The following GRM5 variants were observed in gnomAD, a reference collection of about 807,000 sequenced individuals.
The protein encoded by GRM5 is metabotropic glutamate receptor 5.
GRM5 carries 19 observed loss-of-function variants against 83.1 expected under a neutral mutation model. That is an observed-to-expected ratio of 0.23 (90% CI 0.16 to 0.34). GRM5 has a LOEUF of 0.34. GRM5 is among the 10% of genes least tolerant of loss of function. GRM5 has a pLI of 1.00. For missense variants in GRM5, 1,160 were observed against 1,588.3 expected (o/e 0.73, Z 4.58); for synonymous variants, 675 against 633.6 (o/e 1.07, Z -0.98).
intron 3 of GRM5, among the ~76,000 whole-genome samples, chr11:88,765,952 C>G (rs1166811273): frequency 1.3e-5 from 2 of 151,604 alleles, no homozygotes; most frequent in African/African-American, 4.8e-5. Flanking sequence ...ATATAAGGGA[C>G]TTATATCCAG....
chr11:88,905,052 C>T (rs899836757), intron 2 of GRM5, among the ~76,000 whole-genome samples: 7 of 152,128 alleles, frequency 4.6e-5, no homozygotes, highest in Non-Finnish European at 1.0e-4. Context: ...ATGTGTCATA[C>T]ATCTTCATCC....
chr11:88,625,808 C>CA (rs1005920079), intron 4 of GRM5, among the ~76,000 whole-genome samples: 28 of 152,112 alleles, frequency 1.8e-4, no homozygotes, highest in African/African-American at 5.8e-4. Context: ...ATAAAAGCAA[C>CA]AAAAAAATCA....
intron 2 of GRM5, among the ~76,000 whole-genome samples, chr11:89,004,124 T>C (rs1222129517): frequency 6.6e-6 from 1 of 152,086 alleles, no homozygotes; most frequent in Admixed American, 6.6e-5. Context: ...ATAAATCAAA[T>C]AGCAGAGGTC....
intron 3 of GRM5, among the ~76,000 whole-genome samples, chr11:88,809,344 A>T (rs1429251573): frequency 6.6e-6 from 1 of 151,998 alleles, no homozygotes; most frequent in East Asian, 1.9e-4. Flanking sequence ...AGTTTATTCA[A>T]GTTTAAGCTC....
rs186299814 is a variant in GRM5, at chr11:88,824,506, G to C, written c.911+25400C>G. Among the ~76,000 whole-genome samples the C allele has an allele frequency of 2.0e-5, 3 of 152,278 alleles. No homozygotes were observed. In the East Asian group the frequency reaches 5.8e-4, roughly 29 times the overall value. On this transcript the variant is annotated intron_variant, in intron 3 of 9. Transcript: ENST00000305447. ...TTTCATGGAAGACAATTTTTCCACA[G>C]GACAGTGGGGCGGGGCAGGGGGGTG...
At chr11:88,520,535 C>T (rs1027845478) in intron 9 of GRM5, among the ~76,000 whole-genome samples, 1 of 152,166 alleles carries the variant, frequency 6.6e-6, no homozygotes, top group Non-Finnish European at 1.5e-5. Flanking sequence ...GGCATAAACT[C>T]CCCTGTGTTA....
At chr11:88,941,953 A>G (rs545662900) in intron 2 of GRM5, among the ~76,000 whole-genome samples, 4 of 152,088 alleles carry the variant, frequency 2.6e-5, no homozygotes, top group Non-Finnish European at 5.9e-5. Flanking sequence ...ATGTTACACA[A>G]AAAAATTCAC....
At chr11:88,781,544 G>T (rs935463540) in intron 3 of GRM5, among the ~76,000 whole-genome samples, 1 of 152,124 alleles carries the variant, frequency 6.6e-6, no homozygotes, top group Non-Finnish European at 1.5e-5. Context: ...GAATTTCCAG[G>T]CAGGCTGATT....
At chr11:88,664,927 G>A (rs1940002269) in intron 3 of GRM5, among the ~76,000 whole-genome samples, 2 of 152,118 alleles carry the variant, frequency 1.3e-5, no homozygotes, top group Non-Finnish European at 2.9e-5. Context: ...ACTAAGGAAA[G>A]ACTATATGTA....
Position 88,858,226 on chromosome 11 carries a change from C to T in GRM5, c.662-8071G>A, listed in dbSNP as rs542834584. Among the ~76,000 whole-genome samples, 15 of 151,702 alleles carry T rather than the reference C, an allele frequency of 9.9e-5. No homozygotes were observed. In the East Asian group the frequency reaches 1.2e-3, roughly 12 times the overall value. On this transcript the variant is annotated intron_variant, in intron 2 of 9. Coordinates refer to ENST00000305447, the MANE Select transcript of GRM5 (RefSeq NM_001143831.3). ...TTATTACTCTAGGAATGGATTATGT[C>T]GTAACATTTGATGAACTCTTCAACA... is the stretch of plus-strand genomic sequence containing the variant.
chr11:89,029,594 C>T (rs908233579), intron 2 of GRM5, among the ~76,000 whole-genome samples: 5 of 152,110 alleles, frequency 3.3e-5, no homozygotes, highest in East Asian at 1.9e-4. Context: ...AAAATTTAAG[C>T]GTTGAGTTTA....
intron 3 of GRM5, among the ~76,000 whole-genome samples, chr11:88,737,124 T>G (rs1486141953): frequency 1.3e-5 from 2 of 152,086 alleles, no homozygotes; most frequent in Non-Finnish European, 2.9e-5. Context: ...ACCTGCAACT[T>G]AAAGCTCACA....
chr11:88,557,751 C>CTT (rs566146634), intron 8 of GRM5, among the ~76,000 whole-genome samples: 30 of 136,594 alleles, frequency 2.2e-4, no homozygotes, highest in East Asian at 1.5e-3. Context: ...CTTAATCATC[C>CTT]TTTTTTTTTT....
intron 3 of GRM5, among the ~76,000 whole-genome samples, chr11:88,756,672 T>G (rs1499179): frequency 0.025 from 3,798 of 152,162 alleles, 160 homozygotes; most frequent in African/African-American, 0.087. Context: ...AACTATAAAT[T>G]ATACATTGTA....
At chr11:88,643,156 C>A (rs1047276467) in intron 4 of GRM5, among the ~76,000 whole-genome samples, 4 of 152,092 alleles carry the variant, frequency 2.6e-5, no homozygotes, top group African/African-American at 9.7e-5. Context: ...CTGGCACCTG[C>A]TGCTGGGGAG....
chr11:89,035,596 T>C (rs1437982404), intron 2 of GRM5, among the ~76,000 whole-genome samples: 1 of 151,980 alleles, frequency 6.6e-6, no homozygotes. Context: ...TCTATTTTTA[T>C]TCTATCTACT....
intron 4 of GRM5, among the ~76,000 whole-genome samples, chr11:88,610,900 C>T (rs1468200186): frequency 6.6e-6 from 1 of 152,204 alleles, no homozygotes; most frequent in African/African-American, 2.4e-5. Context: ...TCCTTTGTTG[C>T]CTAACTTGTT....
At chr11:88,711,448 G>C (rs943931805) in intron 3 of GRM5, among the ~76,000 whole-genome samples, 1 of 152,066 alleles carries the variant, frequency 6.6e-6, no homozygotes, top group African/African-American at 2.4e-5. Context: ...TCTTTCTAAA[G>C]GAATATGTCT....
chr11:88,973,837 T>C (rs1431493515), intron 2 of GRM5, among the ~76,000 whole-genome samples: 5 of 152,168 alleles, frequency 3.3e-5, no homozygotes, highest in African/African-American at 1.2e-4. Context: ...GTGAAAGTTA[T>C]ACAACAGGTC....
Sources: allele counts gnomAD v4.1 joint callset (sites outside exome capture counted in the v4.1 genomes callset), GRCh38; gene constraint gnomAD v4.1.1; transcripts MANE v1.5; gene names NCBI Gene and HGNC (gene_info 2026-07-23, HGNC 2026-07-21).